RORA: variants seen among roughly 807,000 people sequenced by gnomAD.
The protein encoded by RORA is nuclear receptor ROR-alpha.
RORA carries 7 observed loss-of-function variants against 69.5 expected under a neutral mutation model. The ratio of observed to expected loss-of-function variants is 0.10; its 90% CI spans 0.06 to 0.19. The LOEUF (loss-of-function observed/expected upper bound fraction) is 0.19, where lower values mean the gene tolerates loss of function less well. Among genes scored for constraint, RORA ranks in the 10% least tolerant of loss-of-function variants. The pLI is 1.00. For missense variants in RORA, 457 were observed against 663.0 expected (o/e 0.69, Z 3.41); for synonymous variants, 261 against 240.8 (o/e 1.08, Z -0.78).
intron 2 of RORA, among the ~76,000 whole-genome samples, chr15:60,564,005 G>T (rs936001432): frequency 6.6e-6 from 1 of 152,094 alleles, no homozygotes; most frequent in Non-Finnish European, 1.5e-5. Context: ...CTTGACTTGA[G>T]CACACTTCTC....
At chr15:61,219,818 G>A (rs1282236628) in intron 1 of RORA, among the ~76,000 whole-genome samples, 3 of 152,222 alleles carry the variant, frequency 2.0e-5, no homozygotes, top group East Asian at 1.9e-4. Context: ...AATAAAATAC[G>A]ACCAAGTGGT....
chr15:60,921,029 A>G (rs1274006736), intron 1 of RORA, among the ~76,000 whole-genome samples: 1 of 152,176 alleles, frequency 6.6e-6, no homozygotes, highest in Non-Finnish European at 1.5e-5. Flanking sequence ...ATAGCCTCCT[A>G]AGACCCTGTG....
At chr15:60,707,082 T>C (rs940159757) in intron 1 of RORA, among the ~76,000 whole-genome samples, 2 of 152,222 alleles carry the variant, frequency 1.3e-5, no homozygotes, top group Non-Finnish European at 2.9e-5. Context: ...CTTTTTCCAA[T>C]GTTGGAACTC....
chr15:60,650,833 C>T (rs1028899572), intron 2 of RORA: 1 of 152,164 alleles, frequency 6.6e-6, no homozygotes, highest in South Asian at 2.1e-4. Context: ...GTTTTCAATT[C>T]TTCGTGCCAT....
chr15:61,158,047 C>T (rs1350162881), intron 1 of RORA, among the ~76,000 whole-genome samples: 6 of 152,206 alleles, frequency 3.9e-5, no homozygotes, highest in Non-Finnish European at 7.4e-5. Flanking sequence ...CCCAGCTGCA[C>T]ACTGACTTGT....
intron 1 of RORA, among the ~76,000 whole-genome samples, chr15:60,969,958 C>T (rs1488130092): frequency 6.6e-6 from 1 of 152,156 alleles, no homozygotes; most frequent in Non-Finnish European, 1.5e-5. Context: ...TTAGTGTTTT[C>T]GTAAGAGATA....
At chr15:60,674,833 C>T (rs1333052858) in intron 2 of RORA, among the ~76,000 whole-genome samples, 2 of 152,154 alleles carry the variant, frequency 1.3e-5, no homozygotes, top group African/African-American at 2.4e-5. Context: ...TAACCTGCAC[C>T]TTTCAGAAGC....
intron 1 of RORA, among the ~76,000 whole-genome samples, chr15:60,871,136 T>C (rs1216353763): frequency 1.3e-5 from 2 of 152,188 alleles, no homozygotes; most frequent in African/African-American, 4.8e-5. Flanking sequence ...CTTCAATGCA[T>C]AATAGATCAA....
At chr15:60,590,054 A>G (rs1240109341) in intron 2 of RORA, among the ~76,000 whole-genome samples, 1 of 152,032 alleles carries the variant, frequency 6.6e-6, no homozygotes, top group East Asian at 1.9e-4. Flanking sequence ...CCCACAAACT[A>G]TTTTCTCTTT....
chr15:60,957,717 T>C (rs982583532), intron 1 of RORA, among the ~76,000 whole-genome samples: 2 of 152,138 alleles, frequency 1.3e-5, no homozygotes, highest in Non-Finnish European at 2.9e-5. Context: ...GGGTAAGAGC[T>C]AGTTAGCTAG....
At chr15:61,137,258 C>A (rs1264999912) in intron 1 of RORA, among the ~76,000 whole-genome samples, 4 of 152,140 alleles carry the variant, frequency 2.6e-5, no homozygotes, top group Admixed American at 2.0e-4. Context: ...TTATTTCTCT[C>A]CAGGCTCTTC....
intron 1 of RORA, among the ~76,000 whole-genome samples, chr15:60,993,198 G>C (rs1199031787): frequency 6.6e-6 from 1 of 152,160 alleles, no homozygotes; most frequent in African/African-American, 2.4e-5. Context: ...CTAAATCTGT[G>C]CATTCTTCTA....
chr15:60,752,508 A>G (rs2071738528), intron 1 of RORA, among the ~76,000 whole-genome samples: 1 of 152,056 alleles, frequency 6.6e-6, no homozygotes, highest in Non-Finnish European at 1.5e-5. Context: ...GCAGTTCCCA[A>G]TCCTGTGATG....
At chr15:61,151,372 T>A (rs36085680) in intron 1 of RORA, among the ~76,000 whole-genome samples, 73,112 of 152,134 alleles carry the variant, frequency 0.48, 19,200 homozygotes, top group Non-Finnish European at 0.59. Flanking sequence ...CTAAATAGGC[T>A]GAGTGAATAG....
chr15:60,705,322 G>C (rs1416865478), intron 1 of RORA, among the ~76,000 whole-genome samples: 2 of 152,178 alleles, frequency 1.3e-5, no homozygotes, highest in African/African-American at 4.8e-5. Context: ...ATTGGGTTGA[G>C]TTTTCCCTGA....
chr15:61,131,853 C>T lies in RORA; in HGVS notation c.166+97200G>A, dbSNP rs1254186129. ...TGTAACTCTAAGCAAGTCATTTCTC[C>T]TTTTTTTGGTAAAATTTCATACTTG... On this transcript the variant is annotated intron_variant, in intron 1 of 10. Transcript: ENST00000335670. The surrounding 1 kb of genome is among the most constrained non-coding windows in gnomAD (Gnocchi z 4.2). Among the ~76,000 whole-genome samples the T allele has an allele frequency of 6.6e-6, 1 of 152,120 alleles. No individual in the cohort carries two copies. Among genetic ancestry groups the T allele is most frequent in the Non-Finnish European group, 1.5e-5 (1 of 68,016 alleles).
intron 1 of RORA, among the ~76,000 whole-genome samples, chr15:60,930,315 C>A (rs535133730): frequency 6.6e-6 from 1 of 152,210 alleles, no homozygotes; most frequent in South Asian, 2.1e-4. Context: ...CATTTCTAAA[C>A]AGGAAGAGGG....
chr15:60,780,775 C>T (rs1014965059), intron 1 of RORA, among the ~76,000 whole-genome samples: 1 of 152,214 alleles, frequency 6.6e-6, no homozygotes, highest in African/African-American at 2.4e-5. Context: ...GTTTCAGGAA[C>T]TATGCATGAA....
chr15:61,006,726 G>T (rs1250791699), intron 1 of RORA, among the ~76,000 whole-genome samples: 1 of 152,048 alleles, frequency 6.6e-6, no homozygotes, highest in African/African-American at 2.4e-5. Context: ...CAATCAAAGG[G>T]AAATACATTC....
Sources: gnomAD v4.1 joint callset for allele counts (sites outside exome capture counted in the v4.1 genomes callset) on GRCh38, gnomAD v4.1.1 for gene constraint, Gnocchi (gnomAD v3.1) non-coding constraint, MANE v1.5 for transcripts, NCBI Gene and HGNC (gene_info 2026-07-23, HGNC 2026-07-21) for gene names.